The following PTGR1 variants were observed in gnomAD, a reference collection of about 807,000 sequenced individuals.
PTGR1 encodes the protein prostaglandin reductase 1.
A neutral mutation model predicts 37.7 loss-of-function variants in PTGR1; 23 were observed. The observed-to-expected ratio is 0.61, with a 90% CI of 0.44 to 0.86. PTGR1 has a LOEUF of 0.86. PTGR1 is among the 40% of genes least tolerant of loss of function. PTGR1 has a pLI of 0.00. For missense variants in PTGR1, 351 were observed against 394.3 expected (o/e 0.89, Z 0.93); for synonymous variants, 134 against 140.0 (o/e 0.96, Z 0.30).
chr9:111,570,335 C>T (rs1285308504), intron 8 of PTGR1, 126 bp from the exon 9 acceptor site: 2 of 1,417,308 alleles, frequency 1.4e-6, no homozygotes, highest in South Asian at 1.5e-5. Context: ...CCTTCCATTT[C>T]CTCACTCCTT....
chr9:111,561,179 A>AGAGAGAGAGAG (rs1828309828), downstream of PTGR1, among the ~76,000 whole-genome samples: 2 of 45,542 alleles, frequency 4.4e-5, no homozygotes, highest in South Asian at 6.8e-4. Context: ...GAGAGAGAGA[A>AGAGAGAGAGAG]AGAGAGAGAG....
chr9:111,587,554 C>T (rs1829475235), intron 4 of PTGR1, among the ~76,000 whole-genome samples: 1 of 152,140 alleles, frequency 6.6e-6, no homozygotes, highest in Admixed American at 6.5e-5. Context: ...CGGGTTCAAG[C>T]AGTTCTCCTG....
At chr9:111,585,539 G>A (rs1456757139) in intron 5 of PTGR1, among the ~76,000 whole-genome samples, 1 of 152,128 alleles carries the variant, frequency 6.6e-6, no homozygotes, top group African/African-American at 2.4e-5. Flanking sequence ...ATTCATGCCG[G>A]GCATGGTGGG....
At chr9:111,557,145 C>T (rs1242226486) in intron 9 of PTGR1, among the ~76,000 whole-genome samples, 3 of 152,146 alleles carry the variant, frequency 2.0e-5, no homozygotes, top group South Asian at 2.1e-4. Flanking sequence ...TTGAATTCCT[C>T]CCCAGAAAAT....
chr9:111,574,280 A>G (rs1210357740), intron 8 of PTGR1: 1 of 151,904 alleles, frequency 6.6e-6, no homozygotes, highest in Non-Finnish European at 1.5e-5. Context: ...CTCTACATAA[A>G]AATCTAATAT....
rs1358068293 is a variant in PTGR1, at chr9:111,549,785, AT to A, written c.893del (p.Asn298MetfsTer?). The A allele has an allele frequency of 6.5e-7, 1 of 1,544,808 alleles. No homozygotes were observed. The highest frequency in any genetic ancestry group is 8.8e-7 in the Non-Finnish European group (1 of 1,141,624). On this transcript the variant is annotated frameshift_variant, in exon 10 of 10. Coordinates refer to the PTGR1 transcript ENST00000538962. LOFTEE classifies it high-confidence loss of function. The stretch of plus-strand genomic sequence containing the variant: ...CTGCTTTGAAGCTTCAATCTTCTTC[AT>A]TTTCTCTTTTGATCTGTCAACACAA...
chr9:111,597,911 G>GA (rs1260329850), intron 1 of PTGR1, among the ~76,000 whole-genome samples: 1 of 151,630 alleles, frequency 6.6e-6, no homozygotes, highest in Admixed American at 6.6e-5. Context: ...CTTTCAGATG[G>GA]AAACAGCCAC....
At chr9:111,595,984 C>T (rs541642071) in intron 2 of PTGR1, among the ~76,000 whole-genome samples, 1 of 152,198 alleles carries the variant, frequency 6.6e-6, no homozygotes, top group South Asian at 2.1e-4. Flanking sequence ...GCAGTGCTTA[C>T]CTCACTGCCA....
chr9:111,591,372 T>TTTC (rs1564622158), intron 4 of PTGR1, among the ~76,000 whole-genome samples: 1 of 103,120 alleles, frequency 9.7e-6, no homozygotes. Flanking sequence ...TTCTTTTTCT[T>TTTC]TTTTTTTTTT....
At chr9:111,554,400 G>C (rs1828061579) in intron 9 of PTGR1, among the ~76,000 whole-genome samples, 1 of 152,134 alleles carries the variant, frequency 6.6e-6, no homozygotes, top group Admixed American at 6.5e-5. Flanking sequence ...CCCTCATTGT[G>C]GTGAGCACAT....
chr9:111,596,622 G>A (rs535868701), intron 2 of PTGR1, among the ~76,000 whole-genome samples: 194 of 151,878 alleles, frequency 1.3e-3, no homozygotes, highest in African/African-American at 4.6e-3. Context: ...TTAGCCGGGC[G>A]TGTTGGTGGG....
chr9:111,574,895 G>A, intron 7 of PTGR1, 53 bp from the exon 8 acceptor site: 1 of 1,366,798 alleles, frequency 7.3e-7, no homozygotes, highest in Non-Finnish European at 1.0e-6. Flanking sequence ...TAGAGATTCA[G>A]GAGAATCATT....
chr9:111,565,488 T>C (rs1828517610), intron 9 of PTGR1, among the ~76,000 whole-genome samples: 1 of 152,218 alleles, frequency 6.6e-6, no homozygotes, highest in Non-Finnish European at 1.5e-5. Flanking sequence ...CTCTCTGTAC[T>C]ATCTTCCCAA....
At chr9:111,573,178 C>T (rs1828903676) in intron 8 of PTGR1, among the ~76,000 whole-genome samples, 1 of 152,134 alleles carries the variant, frequency 6.6e-6, no homozygotes, top group Non-Finnish European at 1.5e-5. Context: ...TTGGCTATTC[C>T]TAATCGGACT....
At chr9:111,554,516 C>T (rs779808422) in intron 9 of PTGR1, among the ~76,000 whole-genome samples, 1 of 152,152 alleles carries the variant, frequency 6.6e-6, no homozygotes, top group Non-Finnish European at 1.5e-5. Flanking sequence ...TCCAAGACCT[C>T]GAGTGGATGC....
At chr9:111,561,173 GAGAGAA>G (rs1210679773), downstream of PTGR1, among the ~76,000 whole-genome samples, 11 of 120,784 alleles carry the variant, frequency 9.1e-5, no homozygotes, top group Non-Finnish European at 1.5e-4. Context: ...GAGAGAGAGA[GAGAGAA>G]AGAGAGAGAG....
chr9:111,587,855 TAGTA>T (rs1829485970), intron 4 of PTGR1, among the ~76,000 whole-genome samples: 1 of 152,190 alleles, frequency 6.6e-6, no homozygotes, highest in African/African-American at 2.4e-5. Context: ...TTTTCCATGT[TAGTA>T]AGAATCCTTC....
At chr9:111,579,249 T>C (rs1017112424) in intron 6 of PTGR1, among the ~76,000 whole-genome samples, 1 of 152,046 alleles carries the variant, frequency 6.6e-6, no homozygotes, top group African/African-American at 2.4e-5. Context: ...CTTGGTTCTT[T>C]GTTTCTGGGC....
chr9:111,577,775 G>A (rs1829123806), intron 7 of PTGR1: 1 of 152,226 alleles, frequency 6.6e-6, no homozygotes, highest in East Asian at 1.9e-4. Context: ...AGCGAGGGAG[G>A]TCGAGGCTGC....
Sources: gnomAD v4.1 joint callset for allele counts (sites outside exome capture counted in the v4.1 genomes callset) on GRCh38, gnomAD v4.1.1 for gene constraint, MANE v1.5 for transcripts, NCBI Gene and HGNC (gene_info 2026-07-23, HGNC 2026-07-21) for gene names.